OTOGL: variants seen among roughly 807,000 people sequenced by gnomAD.
OTOGL encodes otogelin-like protein.
Under a neutral mutation model 318.5 loss-of-function variants are expected in OTOGL, and 285 were observed. The ratio of observed to expected loss-of-function variants is 0.89; its 90% CI spans 0.81 to 0.99. The LOEUF is 0.99. OTOGL is among the 50% of genes least tolerant of loss of function. OTOGL has a pLI of 0.00. For synonymous variants in OTOGL, 987 were observed against 936.5 expected, an observed-to-expected ratio of 1.05 and a Z score of -0.99; for missense variants, 2,899 against 2,845.6, an observed-to-expected ratio of 1.02 and a Z score of -0.43.
At chr12:80,199,154 G>T (rs192699210) in intron 1 of OTOGL, among the ~76,000 whole-genome samples, 2 of 152,232 alleles carry the variant, frequency 1.3e-5, no homozygotes, top group African/African-American at 4.8e-5. Flanking sequence ...ACCTCACTTT[G>T]CTATACCCAC....
At chr12:80,310,574 T>G (rs746504101) in intron 29 of OTOGL, 37 bp from the exon 30 acceptor site, 7 of 1,445,022 alleles carry the variant, frequency 4.8e-6, no homozygotes, top group Non-Finnish European at 5.7e-6. Flanking sequence ...AATTGTCCCT[T>G]TGAAAACTTC....
intron 20 of OTOGL, 91 bp from the exon 21 acceptor site, chr12:80,266,360 C>A: frequency 7.4e-7 from 1 of 1,342,456 alleles, no homozygotes; most frequent in Non-Finnish European, 1.0e-6. Context: ...AACAGGCCAG[C>A]TTTCATTTTC....
Position 80,341,883 on chromosome 12 carries a change from G to C in OTOGL, c.5051-65G>C, listed in dbSNP as rs577734615. The C allele has an allele frequency of 9.5e-6, 10 of 1,050,622 alleles. No homozygotes were observed. The African/African-American group carries it at 1.4e-4, about 15-fold the overall frequency. The allele number at this position is 1,050,622 out of a possible 1,614,324, so 65.1% of individuals were successfully genotyped here. ...TTCATTTAAAATCAATTATTTAACT[G>C]ATTTAGTTGTGCTGTCTACATTAGT... On this transcript the variant is annotated intron_variant, in intron 43 of 58. Transcript: ENST00000547103.
chr12:80,295,157 C>CTTTTTTTTTTTTTTTTTTT (rs66786755), intron 26 of OTOGL, among the ~76,000 whole-genome samples: 1 of 98,926 alleles, frequency 1.0e-5, no homozygotes, highest in African/African-American at 4.8e-5. Context: ...GATTGCCGAA[C>CTTTTTTTTTTTTTTTTTTT]TTTTTTTTTT....
chr12:80,336,718 A>G (rs2137915122), intron 40 of OTOGL, 79 bp from the exon 41 acceptor site: 3 of 1,423,880 alleles, frequency 2.1e-6, no homozygotes, highest in South Asian at 2.6e-5. Context: ...TTATCAATCT[A>G]TTTAGAGGCA....
At chr12:80,207,694 A>G (rs1876916420) in intron 1 of OTOGL, among the ~76,000 whole-genome samples, 1 of 152,186 alleles carries the variant, frequency 6.6e-6, no homozygotes. Flanking sequence ...ATACATTTCA[A>G]CTCTTTCCAG....
At chr12:80,302,060 A>G (rs933992107) in intron 27 of OTOGL, among the ~76,000 whole-genome samples, 1 of 152,098 alleles carries the variant, frequency 6.6e-6, no homozygotes, top group Non-Finnish European at 1.5e-5. Context: ...TTTCTTGTTA[A>G]GTTGAGAACT....
chr12:80,136,978 G>A (rs1443442759), intron 1 of OTOGL, among the ~76,000 whole-genome samples: 1 of 152,072 alleles, frequency 6.6e-6, no homozygotes, highest in Non-Finnish European at 1.5e-5. Flanking sequence ...GCACATGATA[G>A]TGTTAAATAA....
intron 4 of OTOGL, among the ~76,000 whole-genome samples, chr12:80,214,491 T>G (rs939046350): frequency 1.3e-5 from 2 of 152,138 alleles, no homozygotes; most frequent in Non-Finnish European, 2.9e-5. Context: ...AGAAAGAAGC[T>G]AGTGCTGAAG....
At chr12:80,229,832 G>C (rs1460014042) in intron 8 of OTOGL, among the ~76,000 whole-genome samples, 1 of 152,018 alleles carries the variant, frequency 6.6e-6, no homozygotes, top group Non-Finnish European at 1.5e-5. Flanking sequence ...AATGGGTTTT[G>C]GGTGTCACTT....
intron 26 of OTOGL, among the ~76,000 whole-genome samples, 163 bp from the exon 27 acceptor site, chr12:80,296,664 C>T (rs1885418861): frequency 6.6e-6 from 1 of 151,186 alleles, no homozygotes; most frequent in African/African-American, 2.4e-5. Context: ...TTTCTATAGA[C>T]TTCTTCACAT....
intron 42 of OTOGL, 108 bp downstream of exon 42, chr12:80,337,112 TTATA>T (rs1019377603): frequency 1.1e-4 from 88 of 780,310 alleles, no homozygotes; most frequent in Middle Eastern, 3.7e-4. Flanking sequence ...AATTTAATTG[TTATA>T]TATAGTAATC....
chr12:80,367,825 A>G (rs962794935), intron 54 of OTOGL, 86 bp downstream of exon 54: 26 of 893,018 alleles, frequency 2.9e-5, no homozygotes, highest in Non-Finnish European at 4.1e-5. Flanking sequence ...TGAATACTCC[A>G]TTAGTTTAAA....
chr12:80,192,099 C>T (rs1875737598), intron 1 of OTOGL, among the ~76,000 whole-genome samples: 1 of 152,188 alleles, frequency 6.6e-6, no homozygotes, highest in Admixed American at 6.5e-5. Flanking sequence ...TCTTCTTTCC[C>T]TGACTTGTGT....
At chr12:80,338,587 A>G (rs1215578890) in intron 42 of OTOGL, among the ~76,000 whole-genome samples, 1 of 152,102 alleles carries the variant, frequency 6.6e-6, no homozygotes, top group Non-Finnish European at 1.5e-5. Flanking sequence ...ACAGTCTATA[A>G]TCCAATGCAA....
chr12:80,276,993 CA>C (rs1223213785), intron 24 of OTOGL, among the ~76,000 whole-genome samples: 2 of 150,872 alleles, frequency 1.3e-5, no homozygotes, highest in African/African-American at 4.9e-5. Flanking sequence ...TCCTGAATTC[CA>C]TGTTAATTTT....
chr12:80,305,566 C>A lies in OTOGL; in HGVS notation c.3214-10C>A. On this transcript the variant is annotated splice_polypyrimidine_tract_variant and intron_variant, in intron 28 of 58. Coordinates refer to ENST00000547103, the MANE Select transcript of OTOGL (RefSeq NM_001378609.3). ...ACAGAATATTTCCTGGTGATTTTCT[C>A]TTACTTTAGAACAAGCTATCAGGAT... is the stretch of plus-strand genomic sequence containing the variant. The A allele has an allele frequency of 6.6e-7, 1 of 1,513,944 alleles. No homozygotes were observed. The highest frequency in any genetic ancestry group is 8.8e-7 in the Non-Finnish European group (1 of 1,141,522). 93.8% of individuals were successfully genotyped at this position (1,513,944 alleles called of 1,614,324 possible).
At chr12:80,377,517 A>C (rs115767988) in intron 58 of OTOGL, among the ~76,000 whole-genome samples, 41 of 152,232 alleles carry the variant, frequency 2.7e-4, no homozygotes, top group African/African-American at 9.6e-4. Flanking sequence ...TGTCCCTTTT[A>C]ATATGACCTG....
rs1001236025 is a variant in OTOGL at position 80,367,547 on chromosome 12, T to A, written c.6332-14T>A. 33 of 1,474,070 alleles carry A rather than the reference T, an allele frequency of 2.2e-5. No homozygotes were observed. The highest frequency in any genetic ancestry group is 2.9e-5 in the Non-Finnish European group (32 of 1,091,822). The allele number at this position is 1,474,070 out of a possible 1,614,324, so 91.3% of individuals were successfully genotyped here. On this transcript the variant is annotated splice_polypyrimidine_tract_variant and intron_variant, in intron 53 of 58. Coordinates refer to ENST00000547103, the MANE Select transcript of OTOGL (RefSeq NM_001378609.3). ...ACAGTATATTTTCTTATTGACTATG[T>A]TTTCTGTTCTTAGAAAAGGATGATG...
Sources: gnomAD v4.1 joint callset for allele counts (sites outside exome capture counted in the v4.1 genomes callset) on GRCh38, gnomAD v4.1.1 for gene constraint, MANE v1.5 for transcripts, NCBI Gene and HGNC (gene_info 2026-07-23, HGNC 2026-07-21) for gene names.